SGO2: variants seen among roughly 807,000 people sequenced by gnomAD.
SGO2 encodes shugoshin 2.
Under a neutral mutation model 99.5 loss-of-function variants are expected in SGO2, and 68 were observed. The ratio of observed to expected loss-of-function variants is 0.68; its 90% CI spans 0.56 to 0.84. The LOEUF is 0.84. Ranked by LOEUF, SGO2 falls within the 40% of genes least tolerant of loss-of-function variation. SGO2 has a pLI of 0.00. For synonymous variants in SGO2, 457 were observed against 487.1 expected (o/e 0.94, Z 0.81); for missense variants, 1,350 against 1,436.7 (o/e 0.94, Z 0.97).
chr2:200,565,041 G>A (rs903696766), intron 5 of SGO2, among the ~76,000 whole-genome samples: 23 of 152,206 alleles, frequency 1.5e-4, no homozygotes, highest in Admixed American at 8.5e-4. Context: ...TCTTTTAACC[G>A]GAGCATTTAG....
In SGO2 at chr2:200,578,954, T is replaced by C. The variant is rs542881901; in HGVS notation, c.3782+3493T>C. ...GTTGACCTTTGGGGCTAGGTATTTC[T>C]CTTTTATGGGAGGCTGTCCTGTGTA... On this transcript the variant is annotated intron_variant, in intron 8 of 8. Transcript: ENST00000357799. Among the ~76,000 whole-genome samples the C allele has an allele frequency of 4.6e-5, 7 of 152,320 alleles. No individual in the cohort carries two copies. The South Asian group carries it at 1.5e-3, about 32-fold the overall frequency.
chr2:200,537,336 C>CGGAA (rs2031738160), intron 4 of SGO2, among the ~76,000 whole-genome samples: 5 of 152,154 alleles, frequency 3.3e-5, no homozygotes, highest in African/African-American at 1.2e-4. Flanking sequence ...CACCTACTTC[C>CGGAA]CCGCTACTAT....
At chr2:200,527,586 C>T (rs2031160840) in intron 1 of SGO2, among the ~76,000 whole-genome samples, 1 of 152,232 alleles carries the variant, frequency 6.6e-6, no homozygotes, top group Non-Finnish European at 1.5e-5. Context: ...TTGCTTGACA[C>T]CTCCCAACAT....
intron 6 of SGO2, 59 bp downstream of exon 6, chr2:200,569,951 T>G (rs766142874): frequency 8.9e-7 from 1 of 1,128,602 alleles, no homozygotes; most frequent in African/African-American, 1.5e-5. Context: ...CATCAGATGT[T>G]CTTCCTGAGG....
intron 7 of SGO2, among the ~76,000 whole-genome samples, chr2:200,574,993 A>C (rs1277407892): frequency 1.3e-5 from 2 of 152,018 alleles, no homozygotes; most frequent in Non-Finnish European, 2.9e-5. Context: ...CTGGTGAGAC[A>C]TTTTTTATCT....
chr2:200,546,744 T>C (rs1405240878), intron 5 of SGO2, among the ~76,000 whole-genome samples: 2 of 151,956 alleles, frequency 1.3e-5, no homozygotes, highest in Non-Finnish European at 2.9e-5. Context: ...TATAAAACTC[T>C]TTAGAGGTTC....
chr2:200,529,256 C>G lies in SGO2; in HGVS notation c.-3+3004C>G, dbSNP rs541328507. Among the ~76,000 whole-genome samples the G allele has an allele frequency of 3.9e-5, 6 of 152,296 alleles. No individual in the cohort carries two copies. The South Asian group carries it at 1.0e-3, about 26-fold the overall frequency. The stretch of plus-strand genomic sequence containing the variant: ...ATGCCATTCTTTCTTCCTGGAATGC[C>G]CTTCCTAATCTTGATGCCTGACAAG... On this transcript the variant is annotated intron_variant, in intron 1 of 8. Coordinates refer to ENST00000357799, the MANE Select transcript of SGO2 (RefSeq NM_152524.6).
In SGO2 at chr2:200,552,375, TTTTG is replaced by T. The variant is rs893544013; in HGVS notation, c.473+9723_473+9726del. Among the ~76,000 whole-genome samples, 29 of 152,194 alleles carry T rather than the reference TTTTG, an allele frequency of 1.9e-4. No homozygotes were observed. In the Middle Eastern group the frequency reaches 0.01, roughly 54 times the overall value. On this transcript the variant is annotated intron_variant, in intron 5 of 8. Coordinates refer to ENST00000357799, the MANE Select transcript of SGO2 (RefSeq NM_152524.6). ...AAATGATATTCTGAATGTTACTGGG[TTTTG>T]TTTGTTTGTTTTTTAAGTGAAAGCA...
Position 200,542,631 on chromosome 2 carries a change from A to C in SGO2, c.440A>C (p.Lys147Thr). 9 of 1,613,242 alleles carry C rather than the reference A, an allele frequency of 5.6e-6. No individual in the cohort carries two copies. The highest frequency in any genetic ancestry group is 7.6e-6 in the Non-Finnish European group (9 of 1,179,586). ...GCTAGCAAGAAGAAACGAATTAGTA[A>C]ACAGTGCAAGTTGATGCGTCTTCCA... ...LSASKKKRISKQCKLMRLPFA... is the reference protein window; with the variant it reads ...LSASKKKRISTQCKLMRLPFA... Residue 147 changes from lysine to threonine, a missense_variant, in exon 5 of 9, where the codon AAA (lysine) becomes ACA (threonine). Transcript: ENST00000357799.
chr2:200,530,398 G>A (rs995104930), intron 1 of SGO2, among the ~76,000 whole-genome samples: 6 of 152,214 alleles, frequency 3.9e-5, no homozygotes, highest in Non-Finnish European at 7.3e-5. Context: ...AGTGAAGCAG[G>A]TTTGGACAAG....
At chr2:200,532,952 A>ATT in intron 1 of SGO2, 22 bp from the exon 2 acceptor site, 1 of 1,550,492 alleles carries the variant, frequency 6.4e-7, no homozygotes, top group Admixed American at 1.8e-5. Context: ...CAATACTATG[A>ATT]TTTTTTTTTC....
At chr2:200,536,507 TG>T (rs1021033195) in intron 4 of SGO2, among the ~76,000 whole-genome samples, 7 of 152,038 alleles carry the variant, frequency 4.6e-5, no homozygotes, top group Admixed American at 4.6e-4. Context: ...ATTGAAAAAC[TG>T]GGGAAAAAAA....
At chr2:200,545,781 G>A (rs1458788477) in intron 5 of SGO2, among the ~76,000 whole-genome samples, 1 of 152,168 alleles carries the variant, frequency 6.6e-6, no homozygotes, top group Non-Finnish European at 1.5e-5. Flanking sequence ...AATTGAAATG[G>A]TCAGCCAGCT....
intron 4 of SGO2, among the ~76,000 whole-genome samples, chr2:200,541,418 C>T (rs967862274): frequency 6.6e-6 from 1 of 152,140 alleles, no homozygotes; most frequent in Non-Finnish European, 1.5e-5. Context: ...TCACCCTGCC[C>T]TGTCTTGCCT....
chr2:200,546,746 T>C (rs566213446), intron 5 of SGO2, among the ~76,000 whole-genome samples: 6 of 152,200 alleles, frequency 3.9e-5, no homozygotes, highest in East Asian at 1.9e-4. Flanking sequence ...TAAAACTCTT[T>C]AGAGGTTCTT....
intron 5 of SGO2, among the ~76,000 whole-genome samples, chr2:200,544,729 A>ATCTG (rs1196678092): frequency 6.6e-6 from 1 of 151,712 alleles, no homozygotes; most frequent in Non-Finnish European, 1.5e-5. Context: ...CTATCTATCT[A>ATCTG]TCTATCTTTG....
Position 200,575,469 on chromosome 2 carries a change from T to A in SGO2, c.3782+8T>A, listed in dbSNP as rs1209224131. Reference sequence around the variant, plus strand: ...AGAGCCAAGCCTCAGAGAGTAAGTATTTCAAATGATTTTAGTATGCCATTA... The same window carrying A: ...AGAGCCAAGCCTCAGAGAGTAAGTAATTCAAATGATTTTAGTATGCCATTA... On this transcript the variant is annotated splice_region_variant and intron_variant, in intron 8 of 8. Transcript: ENST00000357799. 11 of 1,536,812 alleles carry A rather than the reference T, an allele frequency of 7.2e-6. No individual in the cohort carries two copies. Among genetic ancestry groups the A allele is most frequent in the Non-Finnish European group, 9.7e-6 (11 of 1,135,724 alleles).
chr2:200,530,397 G>A (rs2031314061), intron 1 of SGO2, among the ~76,000 whole-genome samples: 1 of 152,194 alleles, frequency 6.6e-6, no homozygotes, highest in African/African-American at 2.4e-5. Context: ...GAGTGAAGCA[G>A]GTTTGGACAA....
At chr2:200,533,159 A>G (rs964966041) in intron 2 of SGO2, 51 bp downstream of exon 2, 1 of 1,485,130 alleles carries the variant, frequency 6.7e-7, no homozygotes, top group African/African-American at 1.4e-5. Context: ...TTTCCCCAGA[A>G]TTGTTATATA....
Sources: allele counts gnomAD v4.1 joint callset (sites outside exome capture counted in the v4.1 genomes callset), GRCh38; gene constraint gnomAD v4.1.1; transcripts MANE v1.5; gene names NCBI Gene and HGNC (gene_info 2026-07-23, HGNC 2026-07-21).